Variants in MRPS27 observed in about 807,000 individuals in gnomAD.
The protein encoded by MRPS27 is mitochondrial ribosomal protein S27.
In MRPS27, 43 loss-of-function variants were observed where a neutral mutation model predicts 48.9. The ratio of observed to expected loss-of-function variants is 0.88; its 90% CI spans 0.69 to 1.13. The LOEUF (loss-of-function observed/expected upper bound fraction) is 1.13. Ranked by LOEUF, MRPS27 falls within the 50% of genes most tolerant of loss-of-function variation. The pLI is 0.00. For synonymous variants in MRPS27, 188 were observed against 171.9 expected (o/e 1.09, Z -0.73); for missense variants, 467 against 476.3 (o/e 0.98, Z 0.18).
At chr5:72,244,181 C>A (rs976873990) in intron 4 of MRPS27, among the ~76,000 whole-genome samples, 1 of 151,758 alleles carries the variant, frequency 6.6e-6, no homozygotes, top group East Asian at 1.9e-4. Context: ...CTTCTGGAAT[C>A]CCTGCCTGCT....
In MRPS27 at chr5:72,221,205, C is replaced by T. The variant is rs1354327453; in HGVS notation, c.1006-57G>A. On this transcript the variant is annotated intron_variant, in intron 10 of 10. Coordinates refer to ENST00000261413, the MANE Select transcript of MRPS27 (RefSeq NM_015084.3). ...AAGGTAGAGAAGTGAGAGAAAGATA[C>T]AAAGAGGAAAAACTAGCCCTGAGTG... 1.2e-5 allele frequency: 19 copies of T among 1,580,734 alleles called. No individual in the cohort carries two copies. In the Admixed American group the frequency reaches 1.6e-4, roughly 14 times the overall value.
rs766656183 is a variant in MRPS27, at chr5:72,314,069, A to G, written c.151+12T>C. On this transcript the variant is annotated intron_variant, in intron 2 of 10. Transcript: ENST00000261413. ...CGAAAATGACACATATAATAGTCCA[A>G]TAGGTACCTACCAAGACAGTAATGT... 19 of 1,604,474 alleles carry G rather than the reference A, an allele frequency of 1.2e-5. No individual in the cohort carries two copies. Among genetic ancestry groups the G allele is most frequent in the Admixed American group, 1.7e-5 (1 of 59,936 alleles).
At chr5:72,239,178 T>G (rs1461302913) in intron 4 of MRPS27, among the ~76,000 whole-genome samples, 1 of 152,172 alleles carries the variant, frequency 6.6e-6, no homozygotes, top group Non-Finnish European at 1.5e-5. Context: ...CATGCTATAT[T>G]TGAGAGTCGA....
At chr5:72,279,047 T>C (rs1028629153) in intron 4 of MRPS27, among the ~76,000 whole-genome samples, 3 of 152,184 alleles carry the variant, frequency 2.0e-5, no homozygotes, top group African/African-American at 4.8e-5. Flanking sequence ...GCCCATCCTC[T>C]TTTACTTCAT....
At chr5:72,224,505 C>T (rs1747842121) in intron 9 of MRPS27, among the ~76,000 whole-genome samples, 1 of 152,208 alleles carries the variant, frequency 6.6e-6, no homozygotes, top group South Asian at 2.1e-4. Flanking sequence ...CTCCCACTTC[C>T]ATGTCTTTCT....
At chr5:72,284,346 C>T (rs1749611941) in intron 4 of MRPS27, among the ~76,000 whole-genome samples, 2 of 150,336 alleles carry the variant, frequency 1.3e-5, no homozygotes, top group South Asian at 4.2e-4. Context: ...ATTGCCTGAG[C>T]CTGGGAAGTT....
rs187107500 is a variant in MRPS27, at chr5:72,297,771, G to T, written c.152-69C>A. 2,151 of 901,662 alleles carry T rather than the reference G, an allele frequency of 2.4e-3. 5 individuals are homozygous for T. Among genetic ancestry groups the T allele is most frequent in the Non-Finnish European group, 2.1e-3 (1,314 of 611,574 alleles). 55.9% of individuals were successfully genotyped at this position (901,662 alleles called of 1,614,324 possible). ...ATTTTTTTACAATTCTTGCCAGATG[G>T]CTGCCAACATGAAGTATTAAAAGAA... On this transcript the variant is annotated intron_variant, in intron 2 of 10. Transcript: ENST00000261413.
chr5:72,276,145 C>T (rs887781024), intron 4 of MRPS27, among the ~76,000 whole-genome samples: 15 of 152,162 alleles, frequency 9.9e-5, no homozygotes, highest in Admixed American at 4.6e-4. Context: ...GGAGGCATCA[C>T]GCTACCCAAC....
chr5:72,236,534 T>C (rs1295994088), intron 5 of MRPS27, among the ~76,000 whole-genome samples: 2 of 152,162 alleles, frequency 1.3e-5, no homozygotes, highest in Non-Finnish European at 2.9e-5. Context: ...TCTGTGACAT[T>C]ACACTCTGAA....
intron 4 of MRPS27, among the ~76,000 whole-genome samples, chr5:72,260,889 A>C (rs1466753916): frequency 6.6e-6 from 1 of 152,210 alleles, no homozygotes; most frequent in African/African-American, 2.4e-5. Context: ...TTTTTGAGAC[A>C]GTCTTGCTCT....
chr5:72,234,834 A>C (rs1279085129), intron 5 of MRPS27, among the ~76,000 whole-genome samples: 3 of 152,118 alleles, frequency 2.0e-5, no homozygotes, highest in African/African-American at 7.2e-5. Context: ...ATTGGGCACA[A>C]AACCCTGAAT....
chr5:72,293,842 T>C (rs756316242), intron 4 of MRPS27, among the ~76,000 whole-genome samples: 1 of 152,164 alleles, frequency 6.6e-6, no homozygotes, highest in Non-Finnish European at 1.5e-5. Context: ...TGCATTTTGC[T>C]ATAAATAAAA....
chr5:72,320,032 C>A lies in MRPS27; in HGVS notation c.73+117G>T, dbSNP rs549356949. 4.2e-5 allele frequency: 45 copies of A among 1,075,622 alleles called. No homozygotes were observed. In the South Asian group the frequency reaches 5.7e-4, roughly 14 times the overall value. 66.6% of individuals were successfully genotyped at this position (1,075,622 alleles called of 1,614,324 possible). A position where few individuals can be genotyped will look rare whatever the true frequency, so the allele number is the denominator to read the frequency against. On this transcript the variant is annotated intron_variant, in intron 1 of 10. Transcript: ENST00000261413. Reference sequence around the variant, plus strand: ...CCTTCTTCTGCACTACCAAACACCCCAAATGGCGTCCCTAGCAATCAGATT... The same window carrying A: ...CCTTCTTCTGCACTACCAAACACCCAAAATGGCGTCCCTAGCAATCAGATT...
chr5:72,242,408 A>ATAT (rs1748376031), intron 4 of MRPS27, among the ~76,000 whole-genome samples: 1 of 143,326 alleles, frequency 7.0e-6, no homozygotes, highest in South Asian at 2.3e-4. Context: ...AAGAGAGGTT[A>ATAT]TATAAAAGAG....
At chr5:72,257,775 A>T (rs1367111733) in intron 4 of MRPS27, among the ~76,000 whole-genome samples, 1 of 147,592 alleles carries the variant, frequency 6.8e-6, no homozygotes, top group Non-Finnish European at 1.5e-5. Context: ...CTACCCAAGG[A>T]CTTGATCTAC....
chr5:72,266,473 T>G (rs1749109778), intron 4 of MRPS27, among the ~76,000 whole-genome samples: 1 of 152,242 alleles, frequency 6.6e-6, no homozygotes, highest in Middle Eastern at 3.2e-3. Context: ...TTTTTCATGC[T>G]CTACGTATCT....
At chr5:72,283,001 T>C (rs972087645) in intron 4 of MRPS27, among the ~76,000 whole-genome samples, 1 of 152,212 alleles carries the variant, frequency 6.6e-6, no homozygotes, top group African/African-American at 2.4e-5. Flanking sequence ...CAGAGCTACA[T>C]GCTTTCAAAG....
chr5:72,315,916 T>G (rs1244965053), intron 1 of MRPS27, among the ~76,000 whole-genome samples: 1 of 152,120 alleles, frequency 6.6e-6, no homozygotes, highest in South Asian at 2.1e-4. Context: ...CCACAGAAAA[T>G]TTGTAAACAA....
At chr5:72,291,469 T>C (rs1749818199) in intron 4 of MRPS27, among the ~76,000 whole-genome samples, 2 of 152,190 alleles carry the variant, frequency 1.3e-5, no homozygotes, top group African/African-American at 4.8e-5. Context: ...TGCTGCTTTA[T>C]TAATGCATGA....
Sources: allele counts gnomAD v4.1 joint callset (sites outside exome capture counted in the v4.1 genomes callset), GRCh38; gene constraint gnomAD v4.1.1; transcripts MANE v1.5; gene names NCBI Gene and HGNC (gene_info 2026-07-23, HGNC 2026-07-21).